The following REPS2 variants were observed in gnomAD, a reference collection of about 807,000 sequenced individuals.
The protein encoded by REPS2 is ralBP1-associated Eps domain-containing protein 2.
Under a neutral mutation model 53.6 loss-of-function variants are expected in REPS2, and 23 were observed. The ratio of observed to expected loss-of-function variants is 0.43; its 90% CI spans 0.31 to 0.61. The LOEUF (loss-of-function observed/expected upper bound fraction) is 0.61. Ranked by LOEUF, REPS2 falls within the 20% of genes least tolerant of loss-of-function variation. The pLI, the probability that REPS2 is intolerant of heterozygous loss-of-function variation, is 0.11. For synonymous variants in REPS2, 238 were observed against 218.6 expected, an observed-to-expected ratio of 1.09 and a Z score of -0.78; for missense variants, 446 against 534.9, an observed-to-expected ratio of 0.83 and a Z score of 1.64.
Position 17,074,164 on chromosome X carries a change from TGTTC to T in REPS2, c.1379+9_1379+12del. 8.3e-7 allele frequency: 1 copy of T among 1,206,829 alleles called. No homozygotes were observed. Among genetic ancestry groups the T allele is most frequent in the Admixed American group, 2.2e-5 (1 of 45,627 alleles). On this transcript the variant is annotated splice_donor_region_variant and intron_variant, in intron 12 of 17. Coordinates refer to ENST00000357277, the MANE Select transcript of REPS2 (RefSeq NM_004726.3). ...CAAAGCAAGACCAAGATCCAGGTAG[TGTTC>T]GTTTAATTTCTGCTTTAATGCCCTT... is the stretch of plus-strand genomic sequence containing the variant.
chrX:17,068,190 T>C (rs1783262096), intron 9 of REPS2, among the ~76,000 whole-genome samples: 1 of 110,126 alleles, frequency 9.1e-6, no homozygotes, highest in African/African-American at 3.3e-5. Context: ...GGCGGGTGCC[T>C]GTAGTCCCAG....
At chrX:17,101,079 A>G (rs1248674785) in intron 13 of REPS2, among the ~76,000 whole-genome samples, 6 of 85,798 alleles carry the variant, frequency 7.0e-5, no homozygotes, top group African/African-American at 2.3e-4. Flanking sequence ...TTTGAGATGG[A>G]GTCTGGCTCT....
At chrX:17,165,654 G>C in the REPS2 span, among the ~76,000 whole-genome samples, 2 of 111,181 alleles carry the variant, frequency 1.8e-5, no homozygotes, top group Admixed American at 9.5e-5. Context: ...CGTGCTTTTT[G>C]CAATGCCCTG....
chrX:17,103,704 G>A lies in REPS2; in HGVS notation c.1517-14G>A, dbSNP rs763597717. ...TGGGGGGTGATCCTTAATAGTATGT[G>A]TTTTTCTTTTCAGCTACCAAGTCAG... is the stretch of plus-strand genomic sequence containing the variant. On this transcript the variant is annotated splice_polypyrimidine_tract_variant and intron_variant, in intron 13 of 17. Transcript: ENST00000357277. 1.7e-6 allele frequency: 2 copies of A among 1,206,597 alleles called. No individual in the cohort carries two copies. Among genetic ancestry groups the A allele is most frequent in the South Asian group, 1.8e-5 (1 of 56,641 alleles).
chrX:16,948,043 G>A (rs2060463360), intron 1 of REPS2, among the ~76,000 whole-genome samples: 1 of 111,838 alleles, frequency 8.9e-6, no homozygotes. Context: ...GTTAATATCA[G>A]GTTCAAAACG....
At position 17,005,882 on chromosome X, in the gene REPS2, A is replaced by G. The variant is rs932950501; in HGVS notation, c.274-339A>G. 3.6e-5 allele frequency among the ~76,000 whole-genome samples: 4 copies of G among 112,088 alleles called. No homozygotes were observed. The Admixed American group carries it at 3.8e-4, about 11-fold the overall frequency. On this transcript the variant is annotated intron_variant, in intron 1 of 17. Coordinates refer to ENST00000357277, the MANE Select transcript of REPS2 (RefSeq NM_004726.3). The stretch of plus-strand genomic sequence containing the variant: ...TCTCTTTTCACCCCAGTGACTTTCT[A>G]GACTTTGAACATTAGAATCCACTCC...
chrX:16,954,805 C>CTTTTTTTTTT (rs58924467), intron 1 of REPS2, among the ~76,000 whole-genome samples: 1 of 59,332 alleles, frequency 1.7e-5, no homozygotes, highest in Non-Finnish European at 2.9e-5. Flanking sequence ...TTATTTATAA[C>CTTTTTTTTTT]TTTTTTTTTT....
intron 1 of REPS2, among the ~76,000 whole-genome samples, chrX:16,956,284 GTTTTTTTTTTTTTTT>G (rs869259012): frequency 4.4e-4 from 11 of 24,755 alleles, no homozygotes; most frequent in African/African-American, 1.2e-3. Flanking sequence ...AACCACAGCA[GTTTTTTTTTTTTTTT>G]TTTTTTTTTT....
chrX:17,088,819 G>T (rs1227432143), intron 13 of REPS2, among the ~76,000 whole-genome samples: 1 of 110,216 alleles, frequency 9.1e-6, no homozygotes, highest in African/African-American at 3.3e-5. Context: ...TCCTGACCTC[G>T]TGATCCACCT....
At chrX:16,995,372 CATTT>C (rs1425128516) in intron 1 of REPS2, among the ~76,000 whole-genome samples, 1 of 112,495 alleles carries the variant, frequency 8.9e-6, no homozygotes, top group Non-Finnish European at 1.9e-5. Flanking sequence ...GTTCATGTAA[CATTT>C]ATAATACAAA....
intron 1 of REPS2, among the ~76,000 whole-genome samples, chrX:16,968,246 T>C (rs1221170654): frequency 2.0e-4 from 22 of 111,885 alleles, no homozygotes; most frequent in Middle Eastern, 4.7e-3. Context: ...TACCTCTTTC[T>C]ACACAGACAC....
intron 10 of REPS2, 61 bp from the exon 11 acceptor site, chrX:17,069,879 T>A: frequency 1.4e-6 from 1 of 696,387 alleles, no homozygotes. Context: ...TAACATTTTA[T>A]AGTTTTAATT....
intron 2 of REPS2, among the ~76,000 whole-genome samples, chrX:17,016,866 A>G (rs2061504579): frequency 9.1e-6 from 1 of 109,525 alleles, no homozygotes; most frequent in Admixed American, 9.8e-5. Flanking sequence ...CCCAAGATAA[A>G]TAAATTCATG....
In REPS2 at chrX:17,022,113, GGTC is replaced by G; in HGVS notation, c.398-9_398-7del. Reference sequence around the variant, plus strand: ...TCTGACTAGAGCTTCTCTGATTTCTGGTCCCAAAGAATTGCCTCTGCCTCGCTT... The same window carrying G: ...TCTGACTAGAGCTTCTCTGATTTCTGCCAAAGAATTGCCTCTGCCTCGCTT... On this transcript the variant is annotated splice_region_variant and splice_polypyrimidine_tract_variant and intron_variant, in intron 2 of 17. Transcript: ENST00000357277. 3 of 1,192,370 alleles carry G rather than the reference GGTC, an allele frequency of 2.5e-6. No individual in the cohort carries two copies. The South Asian group carries it at 5.7e-5, about 23-fold the overall frequency.
chrX:17,062,198 G>A (rs1475898628), intron 8 of REPS2, among the ~76,000 whole-genome samples: 1 of 112,238 alleles, frequency 8.9e-6, no homozygotes, highest in Non-Finnish European at 1.9e-5. Context: ...TCAGCTGTAT[G>A]ACCTTGAGTA....
the REPS2 span, among the ~76,000 whole-genome samples, chrX:17,180,049 T>G: frequency 8.1e-5 from 9 of 111,750 alleles, no homozygotes; most frequent in African/African-American, 2.6e-4. Flanking sequence ...TGTGTATATA[T>G]GTTTGTAGGA....
chrX:17,144,220 C>T (rs1482087928), intron 17 of REPS2, among the ~76,000 whole-genome samples: 2 of 112,606 alleles, frequency 1.8e-5, no homozygotes, highest in Non-Finnish European at 3.8e-5. Flanking sequence ...ATTCACTCTC[C>T]CTATTTCTGG....
At chrX:16,950,229 G>A (rs992653718) in intron 1 of REPS2, among the ~76,000 whole-genome samples, 4 of 111,321 alleles carry the variant, frequency 3.6e-5, no homozygotes, top group African/African-American at 1.3e-4. Context: ...TTTCTTTATA[G>A]TGCTGAATAA....
intron 13 of REPS2, among the ~76,000 whole-genome samples, chrX:17,086,257 C>A (rs1403007185): frequency 8.9e-6 from 1 of 112,173 alleles, no homozygotes; most frequent in Non-Finnish European, 1.9e-5. Context: ...CCTAAAGATG[C>A]TGTGTACTTC....
Sources: allele counts gnomAD v4.1 joint callset (sites outside exome capture counted in the v4.1 genomes callset), GRCh38; gene constraint gnomAD v4.1.1; transcripts MANE v1.5; gene names NCBI Gene and HGNC (gene_info 2026-07-23, HGNC 2026-07-21).